The following CSMD2 variants were observed in gnomAD, a reference collection of about 807,000 sequenced individuals.
CSMD2 encodes the protein CUB and sushi domain-containing protein 2.
In CSMD2, 130 loss-of-function variants were observed where a neutral mutation model predicts 398.5. That is an observed-to-expected ratio of 0.33 (90% CI 0.28 to 0.38). The LOEUF (loss-of-function observed/expected upper bound fraction) is 0.38, where lower values mean the gene tolerates loss of function less well. CSMD2 is among the 10% of genes least tolerant of loss of function. The pLI, the probability that CSMD2 is intolerant of heterozygous loss-of-function variation, is 1.00. For missense variants in CSMD2, 3,829 were observed against 4,764.9 expected (o/e 0.80, Z 5.78); for synonymous variants, 1,828 against 1,908.5 (o/e 0.96, Z 1.10).
At chr1:33,652,499 C>T (rs147241889) in intron 27 of CSMD2, 38 bp from the exon 28 acceptor site, 1 of 1,607,006 alleles carries the variant, frequency 6.2e-7, no homozygotes, top group Non-Finnish European at 8.5e-7. Context: ...GCTGCCTCTT[C>T]ACCCTGGGCT....
At chr1:33,534,414 G>C (rs1429295752) in intron 62 of CSMD2, among the ~76,000 whole-genome samples, 3 of 152,174 alleles carry the variant, frequency 2.0e-5, no homozygotes, top group Non-Finnish European at 2.9e-5. Context: ...TTAAGGATGG[G>C]AGACTTGTCT....
intron 3 of CSMD2, among the ~76,000 whole-genome samples, chr1:34,012,926 T>C (rs1373057614): frequency 6.6e-6 from 1 of 152,220 alleles, no homozygotes; most frequent in Non-Finnish European, 1.5e-5. Flanking sequence ...CTCTCCAGGC[T>C]TGTCTGCATT....
chr1:34,096,329 C>T (rs1659297035), intron 1 of CSMD2, among the ~76,000 whole-genome samples: 1 of 151,836 alleles, frequency 6.6e-6, no homozygotes, highest in African/African-American at 2.4e-5. Context: ...AAACTGGAAG[C>T]ATTCCCTTTG....
rs192430510 is a variant in CSMD2 at position 33,748,686 on chromosome 1, C to T, written c.1847-5080G>A. Among the ~76,000 whole-genome samples the T allele has an allele frequency of 1.1e-3, 171 of 152,076 alleles. 2 individuals are homozygous for T. The highest frequency in any genetic ancestry group is 4.1e-3 in the Admixed American group (62 of 15,284). On this transcript the variant is annotated intron_variant, in intron 13 of 70. Coordinates refer to ENST00000373381, the MANE Select transcript of CSMD2 (RefSeq NM_001281956.2). ...TAAAACATGGATAATGAGCCCATTA[C>T]AAAATAAAGATATGACAGTTATAAT...
At chr1:34,154,172 AAATT>A in intron 1 of CSMD2, among the ~76,000 whole-genome samples, 1 of 152,360 alleles carries the variant, frequency 6.6e-6, no homozygotes, top group South Asian at 2.1e-4. Context: ...AGAGAAGTGT[AAATT>A]AATACAACGA....
intron 7 of CSMD2, among the ~76,000 whole-genome samples, chr1:33,825,478 A>G (rs1658691204): frequency 6.6e-6 from 1 of 152,268 alleles, no homozygotes; most frequent in Non-Finnish European, 1.5e-5. Flanking sequence ...AAAGAGGACA[A>G]GGAGGAAAAT....
chr1:33,911,948 G>C (rs1023143172), intron 5 of CSMD2, among the ~76,000 whole-genome samples: 1 of 152,192 alleles, frequency 6.6e-6, no homozygotes, highest in Non-Finnish European at 1.5e-5. Flanking sequence ...AGGAGGACTA[G>C]GCAGAAGCCC....
rs1156505792 is a variant in CSMD2, at chr1:33,788,706, T to A, written c.1557A>T (p.Thr519=). The change falls in exon 12 of 71, where the codon ACA becomes ACT. Residue 519 remains threonine, a synonymous_variant. Coordinates refer to ENST00000373381, the MANE Select transcript of CSMD2 (RefSeq NM_001281956.2). ...GDQKTVLYIL[T]GTSVPDLIVS... is the part of the protein sequence containing the mutation. ...CAATGAGATCCGGGACCGATGTACC[T>A]GTCAGGCTGGCAGGAGAGAGATATT... 2 of 1,606,518 alleles carry A rather than the reference T, an allele frequency of 1.2e-6. No homozygotes were observed. The highest frequency in any genetic ancestry group is 8.5e-7 in the Non-Finnish European group (1 of 1,173,232).
At chr1:34,131,055 C>G (rs1003918700) in intron 1 of CSMD2, among the ~76,000 whole-genome samples, 1 of 152,244 alleles carries the variant, frequency 6.6e-6, no homozygotes, top group Non-Finnish European at 1.5e-5. Flanking sequence ...CCTAGCATTC[C>G]GTACCCTTCC....
intron 60 of CSMD2, 116 bp downstream of exon 60, chr1:33,540,409 C>T (rs1656220105): frequency 3.0e-6 from 3 of 995,614 alleles, no homozygotes; most frequent in Non-Finnish European, 4.5e-6. Flanking sequence ...TGAAGCTCCT[C>T]CCTGGTTTTG....
chr1:33,708,994 G>T, intron 22 of CSMD2, 95 bp downstream of exon 22: 1 of 1,163,688 alleles, frequency 8.6e-7, no homozygotes. Context: ...GAAGGAAGGA[G>T]AAAGTTTGGA....
chr1:33,652,519 G>A lies in CSMD2; in HGVS notation c.4448-58C>T, dbSNP rs549684364. On this transcript the variant is annotated intron_variant, in intron 27 of 70. Coordinates refer to ENST00000373381, the MANE Select transcript of CSMD2 (RefSeq NM_001281956.2). ...CTCTTCACCCTGGGCTCATTTTCAT[G>A]GGTGTTGCTAATGCACTATTGAGAG... 33 of 1,596,118 alleles carry A rather than the reference G, an allele frequency of 2.1e-5. 1 individual carries two copies. In the South Asian group the frequency reaches 2.9e-4, roughly 14 times the overall value.
chr1:33,731,222 T>C (rs1445154396), intron 15 of CSMD2, among the ~76,000 whole-genome samples: 1 of 152,228 alleles, frequency 6.6e-6, no homozygotes, highest in Non-Finnish European at 1.5e-5. Context: ...AATTATTTCC[T>C]TGCTTTTCCT....
chr1:33,702,718 T>C (rs529150446), intron 22 of CSMD2, among the ~76,000 whole-genome samples: 1 of 152,296 alleles, frequency 6.6e-6, no homozygotes, highest in Admixed American at 6.5e-5. Context: ...ATTTCTATAA[T>C]AAAAATTAAC....
intron 2 of CSMD2, among the ~76,000 whole-genome samples, chr1:34,049,103 A>C (rs1051146167): frequency 2.6e-5 from 4 of 152,172 alleles, no homozygotes; most frequent in African/African-American, 4.8e-5. Flanking sequence ...ACAGCTGTGA[A>C]GTGTGAAACG....
Position 33,625,224 on chromosome 1 carries a change from C to A in CSMD2, c.5327G>T (p.Ser1776Ile). The change falls in exon 34 of 71, where the codon AGC (serine) becomes ATC (isoleucine). Residue 1776 changes from serine to isoleucine, a missense_variant. By Grantham distance (142) the Ser-to-Ile change is moderately radical. This residue lies in a region of CSMD2 where 2,001 missense variants were observed against 2,567.1 expected (regional missense o/e 0.78). Transcript: ENST00000373381. ...GCCATAGCGGGGTTCCGGCACAGAG[C>A]TGCACTGCGTGGCGCTGGTTCGAGG... ...AVPRTSATQC[S>I]SVPEPRYGKR... 1 of 1,613,240 alleles carries A rather than the reference C, an allele frequency of 6.2e-7. No homozygotes were observed. The highest frequency in any genetic ancestry group is 8.5e-7 in the Non-Finnish European group (1 of 1,179,846).
intron 1 of CSMD2, among the ~76,000 whole-genome samples, chr1:34,152,676 G>A (rs765036931): frequency 2.0e-5 from 3 of 152,144 alleles, no homozygotes; most frequent in Non-Finnish European, 4.4e-5. Context: ...TTGATCCCTT[G>A]TGTCTAAAGA....
chr1:33,804,449 T>A (rs572234299), intron 10 of CSMD2, among the ~76,000 whole-genome samples: 2 of 152,332 alleles, frequency 1.3e-5, no homozygotes, highest in Middle Eastern at 3.4e-3. Context: ...CCTGTTGACA[T>A]GTCACTTCCT....
chr1:33,736,963 C>G (rs1225725288), intron 15 of CSMD2, among the ~76,000 whole-genome samples: 1 of 152,134 alleles, frequency 6.6e-6, no homozygotes, highest in Non-Finnish European at 1.5e-5. Context: ...TCAATGAGTG[C>G]AAGGGAAAAT....
Sources: gnomAD v4.1 joint callset for allele counts (sites outside exome capture counted in the v4.1 genomes callset) on GRCh38, gnomAD v4.1.1 for gene constraint, gnomAD v4.1.1 regional missense constraint, MANE v1.5 for transcripts, NCBI Gene and HGNC (gene_info 2026-07-23, HGNC 2026-07-21) for gene names.